Variants in ATP13A4 observed in about 807,000 individuals in gnomAD.
ATP13A4 encodes the protein probable cation-transporting ATPase 13A4.
In ATP13A4, 114 loss-of-function variants were observed where a neutral mutation model predicts 142.5. The ratio of observed to expected loss-of-function variants is 0.80; its 90% confidence interval spans 0.69 to 0.93. The LOEUF is 0.93. Ranked by LOEUF, ATP13A4 falls within the 40% of genes least tolerant of loss-of-function variation. The pLI is 0.00. For synonymous variants in ATP13A4, 488 were observed against 514.8 expected (o/e 0.95, Z 0.70); for missense variants, 1,392 against 1,454.0 (o/e 0.96, Z 0.69).
chr3:193,432,384 C>T (rs1329550179), intron 25 of ATP13A4, among the ~76,000 whole-genome samples: 3 of 152,104 alleles, frequency 2.0e-5, no homozygotes, highest in African/African-American at 2.4e-5. Flanking sequence ...ATTCTTACTA[C>T]ATAATCCTTT....
chr3:193,404,137 T>C, intron 29 of ATP13A4: 4 of 985,408 alleles, frequency 4.1e-6, no homozygotes, highest in Non-Finnish European at 4.8e-6. Context: ...TCCTCCTTAA[T>C]TGACGTGAAA....
intron 1 of ATP13A4, among the ~76,000 whole-genome samples, chr3:193,517,136 G>A (rs1037334543): frequency 2.0e-5 from 3 of 152,146 alleles, no homozygotes; most frequent in African/African-American, 4.8e-5. Context: ...AAGATGATGT[G>A]GGCTGGCCAT....
rs1238180085 is a variant in ATP13A4, at chr3:193,582,997, A to C, written n.92-1091T>G. Among the ~76,000 whole-genome samples, 2 of 128,992 alleles carry C rather than the reference A, an allele frequency of 1.6e-5. 1 individual carries two copies. Among genetic ancestry groups the C allele is most frequent in the Non-Finnish European group, 3.3e-5 (2 of 60,850 alleles). 84.6% of individuals were successfully genotyped at this position (128,992 alleles called of 152,430 possible). On this transcript the variant is annotated intron_variant and non_coding_transcript_variant, in intron 1 of 3. Transcript: ENST00000489140. ...ATATATGTATATTACATATATATAA[A>C]ATATATATATGTATATTATATAGAT...
At chr3:193,464,654 G>T (rs528315137) in intron 12 of ATP13A4, among the ~76,000 whole-genome samples, 61 of 152,258 alleles carry the variant, frequency 4.0e-4, no homozygotes, top group Middle Eastern at 3.4e-3. Flanking sequence ...TTGTATGAAG[G>T]TTTTGACTGC....
At chr3:193,570,199 G>C (rs1724229357) in intron 2 of ATP13A4, among the ~76,000 whole-genome samples, 3 of 152,090 alleles carry the variant, frequency 2.0e-5, no homozygotes, top group African/African-American at 7.2e-5. Context: ...TGTAATTCCG[G>C]CTACTCAGGA....
upstream of ATP13A4, among the ~76,000 whole-genome samples, chr3:193,559,723 C>T (rs758223541): frequency 6.6e-6 from 1 of 152,170 alleles, no homozygotes; most frequent in Non-Finnish European, 1.5e-5. Context: ...CGTTCAGCAC[C>T]AGGTCTGTTC....
rs1226075164 is a variant in ATP13A4 at position 193,442,671 on chromosome 3, G to T, written c.2153-115C>A. The T allele has an allele frequency of 3.8e-6, 4 of 1,061,986 alleles. No homozygotes were observed. The African/African-American group carries it at 4.7e-5, about 13-fold the overall frequency. The allele number at this position is 1,061,986 out of a possible 1,614,324, so 65.8% of individuals were successfully genotyped here. Reference sequence around the variant, plus strand: ...CCTTATTTCAGGTATGAAGAGAAATGATCTCTGATATCTATTTCAGCCCTG... The same window carrying T: ...CCTTATTTCAGGTATGAAGAGAAATTATCTCTGATATCTATTTCAGCCCTG... On this transcript the variant is annotated intron_variant, in intron 18 of 29. Transcript: ENST00000342695.
intron 23 of ATP13A4, among the ~76,000 whole-genome samples, chr3:193,436,174 C>A (rs1048457446): frequency 1.3e-5 from 2 of 152,174 alleles, no homozygotes. Context: ...TATTTTCATA[C>A]AGGAGCTTCA....
At chr3:193,592,277 T>C (rs1724836036) in intron 1 of ATP13A4, among the ~76,000 whole-genome samples, 1 of 152,136 alleles carries the variant, frequency 6.6e-6, no homozygotes, top group East Asian at 1.9e-4. Context: ...CTGGTTTCCT[T>C]ACAAAACATA....
chr3:193,428,519 T>C (rs1158204021), intron 25 of ATP13A4, among the ~76,000 whole-genome samples: 1 of 152,008 alleles, frequency 6.6e-6, no homozygotes. Context: ...CTATTCACAA[T>C]AGCAAAGACT....
intron 1 of ATP13A4, among the ~76,000 whole-genome samples, chr3:193,525,067 C>T (rs138324952): frequency 1.4e-3 from 217 of 152,278 alleles, no homozygotes; most frequent in African/African-American, 4.0e-3. Context: ...TCAAACTATG[C>T]GTCAGGGATT....
At chr3:193,502,430 A>G (rs66855900) in intron 3 of ATP13A4, 63 bp downstream of exon 3, 3 of 1,556,992 alleles carry the variant, frequency 1.9e-6, no homozygotes, top group Admixed American at 3.3e-5. Flanking sequence ...ACATTTAACT[A>G]TATACTTGAG....
chr3:193,449,712 C>T (rs1279212222), intron 17 of ATP13A4, among the ~76,000 whole-genome samples: 2 of 152,194 alleles, frequency 1.3e-5, no homozygotes, highest in Non-Finnish European at 2.9e-5. Flanking sequence ...TGCTGTAAGA[C>T]ATTTGTCCTT....
At chr3:193,554,653 CGTGT>C (rs58073069) in intron 1 of ATP13A4, 83 bp downstream of exon 1, 306,087 of 1,213,234 alleles carry the variant, frequency 0.25, 12,897 homozygotes, top group African/African-American at 0.35. Context: ...GTGATGCGTG[CGTGT>C]GTGTGTGTGT....
At chr3:193,592,172 G>T (rs1210086883) in intron 1 of ATP13A4, among the ~76,000 whole-genome samples, 1 of 150,224 alleles carries the variant, frequency 6.7e-6, no homozygotes, top group African/African-American at 2.4e-5. Context: ...GAGGTGAAAG[G>T]TCCCTGAAGT....
chr3:193,480,644 A>C (rs545500006), intron 8 of ATP13A4, among the ~76,000 whole-genome samples: 1 of 152,294 alleles, frequency 6.6e-6, no homozygotes, highest in South Asian at 2.1e-4. Flanking sequence ...GTTCACGAGG[A>C]TGTGGTGAAA....
intron 1 of ATP13A4, among the ~76,000 whole-genome samples, chr3:193,534,623 G>A (rs1722498109): frequency 1.3e-5 from 2 of 152,132 alleles, no homozygotes; most frequent in South Asian, 4.1e-4. Flanking sequence ...TAGAGGGACA[G>A]AGAAAACAAT....
At chr3:193,491,234 G>A (rs1719925136) in intron 6 of ATP13A4, 95 bp downstream of exon 6, 1 of 908,920 alleles carries the variant, frequency 1.1e-6, no homozygotes, top group Admixed American at 1.7e-5. Flanking sequence ...TCTATGTGAA[G>A]TTACTTATTA....
rs1017662139 is a variant in ATP13A4, at chr3:193,401,717, T to C, written c.*935A>G. Among the ~76,000 whole-genome samples, 7 of 152,138 alleles carry C rather than the reference T, an allele frequency of 4.6e-5. No homozygotes were observed. The highest frequency in any genetic ancestry group is 2.1e-4 in the South Asian group (1 of 4,822). On this transcript the variant is annotated 3_prime_UTR_variant, in exon 30 of 30. Coordinates refer to ENST00000342695, the MANE Select transcript of ATP13A4 (RefSeq NM_032279.4). ...TGTTCAAAAATTAAGAATTTTAAGA[T>C]GGAAACAGCAGAGTGTTAAAGCCAA...
Sources: allele counts gnomAD v4.1 joint callset (sites outside exome capture counted in the v4.1 genomes callset), GRCh38; gene constraint gnomAD v4.1.1; transcripts MANE v1.5; gene names NCBI Gene and HGNC (gene_info 2026-07-23, HGNC 2026-07-21).